Variants in EMILIN2 observed in about 807,000 individuals in gnomAD.
EMILIN2 encodes elastin microfibril interfacer 2, also known as EMILIN-2.
EMILIN2 carries 71 observed loss-of-function variants against 87.1 expected under a neutral mutation model. The ratio of observed to expected loss-of-function variants is 0.82; its 90% CI spans 0.67 to 0.99. The LOEUF (loss-of-function observed/expected upper bound fraction) is 0.99, where lower values mean the gene tolerates loss of function less well. Among genes scored for constraint, EMILIN2 ranks in the 50% least tolerant of loss-of-function variants. The pLI is 0.00. For missense variants in EMILIN2, 1,407 were observed against 1,371.8 expected, an observed-to-expected ratio of 1.03 and a Z score of -0.40; for synonymous variants, 581 against 563.4, an observed-to-expected ratio of 1.03 and a Z score of -0.44.
chr18:2,871,004 A>G (rs551088702), intron 2 of EMILIN2, among the ~76,000 whole-genome samples: 1 of 152,262 alleles, frequency 6.6e-6, no homozygotes, highest in South Asian at 2.1e-4. Context: ...CACTAGACCT[A>G]TTGGATCAGT....
chr18:2,908,662 G>C (rs751354354), intron 5 of EMILIN2, among the ~76,000 whole-genome samples: 1 of 152,210 alleles, frequency 6.6e-6, no homozygotes, highest in African/African-American at 2.4e-5. Context: ...AAGTCTCCAA[G>C]GCTCCAGTGC....
chr18:2,868,552 G>C (rs923968710), intron 2 of EMILIN2, among the ~76,000 whole-genome samples: 5 of 152,260 alleles, frequency 3.3e-5, no homozygotes, highest in Admixed American at 6.5e-5. Flanking sequence ...CCGGCACCTC[G>C]GGAGGCCGAG....
intron 2 of EMILIN2, among the ~76,000 whole-genome samples, chr18:2,876,380 C>T (rs913831985): frequency 6.6e-6 from 1 of 152,106 alleles, no homozygotes; most frequent in Non-Finnish European, 1.5e-5. Flanking sequence ...GTGATTTCTC[C>T]AGCAGATATA....
intron 3 of EMILIN2, among the ~76,000 whole-genome samples, chr18:2,888,408 T>C (rs938768402): frequency 2.0e-5 from 3 of 152,078 alleles, no homozygotes; most frequent in Non-Finnish European, 2.9e-5. Context: ...CTTGTTTTTT[T>C]CTTTAGTGTC....
At chr18:2,911,890 G>C (rs2076942590) in intron 7 of EMILIN2, among the ~76,000 whole-genome samples, 1 of 131,334 alleles carries the variant, frequency 7.6e-6, no homozygotes, top group Admixed American at 7.4e-5. Flanking sequence ...CGCCAGGGCT[G>C]GTGCTGGCCT....
At position 2,847,845 on chromosome 18, in the gene EMILIN2, C is replaced by T; in HGVS notation, c.171C>T (p.Ser57=). 1 of 1,613,646 alleles carries T rather than the reference C, an allele frequency of 6.2e-7. No homozygotes were observed. Among genetic ancestry groups the T allele is most frequent in the Non-Finnish European group, 8.5e-7 (1 of 1,179,824 alleles). ...CCTACATCGTGAACAAGAATGTGAGCTGCTCCGTGCTGGAGGGAAGTGAGA... is the reference window on the plus strand; with the variant it reads ...CCTACATCGTGAACAAGAATGTGAGTTGCTCCGTGCTGGAGGGAAGTGAGA... ...WCAYIVNKNV[S]CSVLEGSESF... Residue 57 remains serine (S), a synonymous_variant, in exon 2 of 8, where the codon AGC becomes AGT. Coordinates refer to ENST00000254528, the MANE Select transcript of EMILIN2 (RefSeq NM_032048.3). This position sits in a 1 kb window ranked among gnomAD's most constrained non-coding sequence, Gnocchi z 4.5.
At position 2,854,928 on chromosome 18, in the gene EMILIN2, C is replaced by A. The variant is rs546567264; in HGVS notation, c.257+6997C>A. On this transcript the variant is annotated intron_variant, in intron 2 of 7. Coordinates refer to ENST00000254528, the MANE Select transcript of EMILIN2 (RefSeq NM_032048.3). Reference sequence around the variant, plus strand: ...GAATAACTTTCAGTTCAAAAAGTACCTTTTGTGTATAGCTTTGGGGGAATT... The same window carrying A: ...GAATAACTTTCAGTTCAAAAAGTACATTTTGTGTATAGCTTTGGGGGAATT... Among the ~76,000 whole-genome samples, 20 of 152,314 alleles carry A rather than the reference C, an allele frequency of 1.3e-4. No individual in the cohort carries two copies. In the East Asian group the frequency reaches 3.9e-3, roughly 29 times the overall value.
intron 2 of EMILIN2, among the ~76,000 whole-genome samples, chr18:2,883,916 C>T (rs1052599153): frequency 3.3e-5 from 5 of 152,192 alleles, no homozygotes; most frequent in African/African-American, 1.2e-4. Context: ...GGTAAACACA[C>T]AGACATGATG....
Position 2,847,663 on chromosome 18 carries a change from G to A in EMILIN2, c.135-146G>A. On this transcript the variant is annotated intron_variant, in intron 1 of 7. Coordinates refer to ENST00000254528, the MANE Select transcript of EMILIN2 (RefSeq NM_032048.3). This position sits in a 1 kb window ranked among gnomAD's most constrained non-coding sequence, Gnocchi z 4.5. ...GAGGCGCACCCGGGCACCCTCCGGCGTCTGCTCGGTGAAGCTCCCGCCTCC... is the reference window on the plus strand; with the variant it reads ...GAGGCGCACCCGGGCACCCTCCGGCATCTGCTCGGTGAAGCTCCCGCCTCC... 1 of 1,326,514 alleles carries A rather than the reference G, an allele frequency of 7.5e-7. No individual in the cohort carries two copies. Among genetic ancestry groups the A allele is most frequent in the Non-Finnish European group, 9.9e-7 (1 of 1,005,742 alleles). The allele number at this position is 1,326,514 out of a possible 1,614,324, so 82.2% of individuals were successfully genotyped here.
chr18:2,870,108 G>A (rs1397500472), intron 2 of EMILIN2, among the ~76,000 whole-genome samples: 1 of 152,110 alleles, frequency 6.6e-6, no homozygotes, highest in Non-Finnish European at 1.5e-5. Context: ...GGGCGTGGTG[G>A]TGCACGCCTG....
intron 3 of EMILIN2, among the ~76,000 whole-genome samples, chr18:2,889,133 C>CTTTTTTTTTTTTTTTTTTTTTTT (rs772439545): frequency 1.4e-4 from 12 of 84,354 alleles, no homozygotes; most frequent in African/African-American, 3.9e-4. Flanking sequence ...TCTTTCTTTT[C>CTTTTTTTTTTTTTTTTTTTTTTT]TTTTTTTTTT....
chr18:2,863,141 C>T lies in EMILIN2; in HGVS notation c.257+15210C>T, dbSNP rs553827709. ...TTTATTAGTCTTGCTAGCGGTCTAT[C>T]AATTTTGTTGATCCTTTCAAAAAAC... is the stretch of plus-strand genomic sequence containing the variant. On this transcript the variant is annotated intron_variant, in intron 2 of 7. Transcript: ENST00000254528. Among the ~76,000 whole-genome samples, 10 of 152,246 alleles carry T rather than the reference C, an allele frequency of 6.6e-5. No individual in the cohort carries two copies. The South Asian group carries it at 1.2e-3, about 19-fold the overall frequency.
At chr18:2,874,536 G>A (rs1275838710) in intron 2 of EMILIN2, among the ~76,000 whole-genome samples, 2 of 152,162 alleles carry the variant, frequency 1.3e-5, no homozygotes, top group Admixed American at 6.5e-5. Flanking sequence ...CTGGAGGTGG[G>A]TTGGGCTCTG....
chr18:2,877,107 G>T (rs2076752843), intron 2 of EMILIN2, among the ~76,000 whole-genome samples: 1 of 152,196 alleles, frequency 6.6e-6, no homozygotes, highest in African/African-American at 2.4e-5. Flanking sequence ...GACTGTTTCA[G>T]ACTGTGGAAT....
intron 5 of EMILIN2, among the ~76,000 whole-genome samples, chr18:2,907,669 TAG>T (rs2076921347): frequency 6.6e-6 from 1 of 152,006 alleles, no homozygotes; most frequent in African/African-American, 2.4e-5. Flanking sequence ...GGTGTCAGAG[TAG>T]AGACAGGAGA....
intron 2 of EMILIN2, among the ~76,000 whole-genome samples, chr18:2,851,766 A>G (rs958230860): frequency 1.3e-5 from 2 of 152,222 alleles, no homozygotes; most frequent in Non-Finnish European, 2.9e-5. Context: ...ATAAGTGGGC[A>G]TTTTAAGTAA....
intron 2 of EMILIN2, among the ~76,000 whole-genome samples, chr18:2,879,221 C>T (rs1241887347): frequency 6.6e-6 from 1 of 152,188 alleles, no homozygotes; most frequent in East Asian, 1.9e-4. Context: ...CCAGCGCAGC[C>T]CTGTCAGGTA....
At chr18:2,904,034 T>A (rs962721170) in intron 4 of EMILIN2, among the ~76,000 whole-genome samples, 1 of 152,238 alleles carries the variant, frequency 6.6e-6, no homozygotes, top group Admixed American at 6.5e-5. Flanking sequence ...TATAATTTTT[T>A]AAATATTGCC....
At chr18:2,872,414 G>T (rs2076724361) in intron 2 of EMILIN2, among the ~76,000 whole-genome samples, 1 of 152,094 alleles carries the variant, frequency 6.6e-6, no homozygotes, top group Non-Finnish European at 1.5e-5. Flanking sequence ...TTCATATGGG[G>T]TCCCACCATG....
Sources: allele counts gnomAD v4.1 joint callset (sites outside exome capture counted in the v4.1 genomes callset), GRCh38; gene constraint gnomAD v4.1.1; non-coding constraint Gnocchi (gnomAD v3.1); transcripts MANE v1.5; gene names NCBI Gene and HGNC (gene_info 2026-07-23, HGNC 2026-07-21).